GMDS: variants seen among roughly 807,000 people sequenced by gnomAD.
GMDS encodes GDP-mannose 4,6-dehydratase, also known as GDP-mannose 4,6 dehydratase.
GMDS carries 20 observed loss-of-function variants against 49.9 expected under a neutral mutation model. The ratio of observed to expected loss-of-function variants is 0.40; its 90% CI spans 0.28 to 0.58. GMDS has a LOEUF of 0.58. Among genes scored for constraint, GMDS ranks in the 20% least tolerant of loss-of-function variants. GMDS has a pLI of 0.42. For missense variants in GMDS, 362 were observed against 481.4 expected (o/e 0.75, Z 2.32); for synonymous variants, 177 against 178.6 (o/e 0.99, Z 0.07).
At chr6:2,130,702 C>A (rs771039031) in intron 1 of GMDS, among the ~76,000 whole-genome samples, 1 of 152,128 alleles carries the variant, frequency 6.6e-6, no homozygotes, top group Non-Finnish European at 1.5e-5. Flanking sequence ...CCCCAAAACA[C>A]ACTCAGTTTC....
intron 7 of GMDS, among the ~76,000 whole-genome samples, chr6:1,782,467 C>T (rs1301529890): frequency 6.6e-6 from 1 of 152,222 alleles, no homozygotes; most frequent in Non-Finnish European, 1.5e-5. Flanking sequence ...AATATCTTTC[C>T]AGTCCAAGCC....
At chr6:1,840,603 C>T (rs6916750) in intron 7 of GMDS, among the ~76,000 whole-genome samples, 26 of 152,276 alleles carry the variant, frequency 1.7e-4, no homozygotes, top group African/African-American at 5.5e-4. Context: ...GGAGCCCCTA[C>T]GCTCAGTCTA....
chr6:2,007,879 G>A (rs116794442), intron 4 of GMDS, among the ~76,000 whole-genome samples: 2,103 of 152,278 alleles, frequency 0.014, 49 homozygotes, highest in African/African-American at 0.049. Context: ...CAGCACAGCA[G>A]TTGAGTCAGC....
At chr6:2,031,177 T>A (rs1424461221) in intron 4 of GMDS, among the ~76,000 whole-genome samples, 1 of 152,214 alleles carries the variant, frequency 6.6e-6, no homozygotes, top group East Asian at 1.9e-4. Context: ...GGATTTTGAA[T>A]TTCAAACAAG....
At chr6:2,059,278 A>T (rs1479146019) in intron 4 of GMDS, among the ~76,000 whole-genome samples, 1 of 149,300 alleles carries the variant, frequency 6.7e-6, no homozygotes, top group Non-Finnish European at 1.5e-5. Flanking sequence ...TATTTGAACT[A>T]TTGTTTTTTT....
chr6:1,647,392 TC>T (rs1015276331), intron 9 of GMDS, among the ~76,000 whole-genome samples: 6 of 151,900 alleles, frequency 3.9e-5, no homozygotes, highest in Non-Finnish European at 8.8e-5. Context: ...AAGCAGCTTC[TC>T]CCCACCCCCA....
intron 6 of GMDS, among the ~76,000 whole-genome samples, chr6:1,934,783 T>G (rs1192554510): frequency 6.6e-6 from 1 of 151,970 alleles, no homozygotes; most frequent in Non-Finnish European, 1.5e-5. Context: ...TTTTACTCCA[T>G]GTTACAGAAG....
intron 4 of GMDS, among the ~76,000 whole-genome samples, chr6:1,999,484 C>A (rs1045798266): frequency 6.6e-6 from 1 of 151,710 alleles, no homozygotes; most frequent in African/African-American, 2.4e-5. Flanking sequence ...AAAGTTTGCA[C>A]AAGATTTCCT....
At chr6:2,154,571 C>G (rs1252095348) in intron 1 of GMDS, among the ~76,000 whole-genome samples, 1 of 152,028 alleles carries the variant, frequency 6.6e-6, no homozygotes, top group East Asian at 1.9e-4. Context: ...TTTTCCAACT[C>G]AAATTCAGAA....
intron 9 of GMDS, among the ~76,000 whole-genome samples, chr6:1,691,612 T>G (rs1184358650): frequency 3.3e-5 from 5 of 152,232 alleles, no homozygotes; most frequent in African/African-American, 1.2e-4. Flanking sequence ...GGAACTGCCT[T>G]AACAGTGGGT....
rs115408584 is a variant in GMDS at position 1,913,545 on chromosome 6, G to A, written c.771+16558C>T. ...TCTTCCTCAAAGAATAGAAGGGTGT[G>A]ATTTGTTTTAAAAGACCATATTCCA... On this transcript the variant is annotated intron_variant, in intron 7 of 10. Coordinates refer to ENST00000380815, the MANE Select transcript of GMDS (RefSeq NM_001500.4). Among the ~76,000 whole-genome samples the A allele has an allele frequency of 7.2e-3, 1,094 of 152,256 alleles. 18 individuals are homozygous for A. The highest frequency in any genetic ancestry group is 0.024 in the African/African-American group (1,005 of 41,536).
chr6:1,915,279 TGGC>T (rs1761319220), intron 7 of GMDS, among the ~76,000 whole-genome samples: 5 of 152,190 alleles, frequency 3.3e-5, no homozygotes, highest in African/African-American at 7.2e-5. Flanking sequence ...AGCCAGGCCC[TGGC>T]AGAGGCTCAC....
chr6:2,073,292 A>G (rs1772122794), intron 4 of GMDS, among the ~76,000 whole-genome samples: 1 of 152,230 alleles, frequency 6.6e-6, no homozygotes, highest in Non-Finnish European at 1.5e-5. Flanking sequence ...CACTTACCAG[A>G]TGCATAAAAA....
chr6:2,129,456 T>C (rs777446622), intron 1 of GMDS, among the ~76,000 whole-genome samples: 1 of 152,206 alleles, frequency 6.6e-6, no homozygotes, highest in African/African-American at 2.4e-5. Flanking sequence ...AATCATACTG[T>C]ATGTTTCTAC....
chr6:1,726,080 G>A (rs924092857), intron 9 of GMDS, among the ~76,000 whole-genome samples: 1 of 152,232 alleles, frequency 6.6e-6, no homozygotes, highest in Non-Finnish European at 1.5e-5. Flanking sequence ...GGACAGCGTT[G>A]TTAAGTCAGG....
intron 7 of GMDS, among the ~76,000 whole-genome samples, chr6:1,908,351 G>C (rs955383440): frequency 1.3e-5 from 2 of 152,202 alleles, no homozygotes; most frequent in African/African-American, 4.8e-5. Flanking sequence ...ACTGCGGATA[G>C]GAGGGGGCTA....
intron 9 of GMDS, among the ~76,000 whole-genome samples, chr6:1,665,552 C>T (rs1202493447): frequency 1.3e-5 from 2 of 152,322 alleles, no homozygotes; most frequent in African/African-American, 4.8e-5. Context: ...TTATACATTA[C>T]TTTCCCCCAT....
chr6:2,087,317 A>G (rs902870198), intron 4 of GMDS, among the ~76,000 whole-genome samples: 1 of 152,216 alleles, frequency 6.6e-6, no homozygotes, highest in Non-Finnish European at 1.5e-5. Context: ...ATATGAAAAT[A>G]CTTTTTCTTT....
chr6:1,962,753 A>T (rs541416842), intron 4 of GMDS, among the ~76,000 whole-genome samples: 1 of 151,958 alleles, frequency 6.6e-6, no homozygotes, highest in East Asian at 1.9e-4. Flanking sequence ...GTAAAAGTTT[A>T]TATATATATA....
Sources: gnomAD v4.1 joint callset for allele counts (sites outside exome capture counted in the v4.1 genomes callset) on GRCh38, gnomAD v4.1.1 for gene constraint, MANE v1.5 for transcripts, NCBI Gene and HGNC (gene_info 2026-07-23, HGNC 2026-07-21) for gene names.